The following LARP6 variants were observed in gnomAD, a reference collection of about 807,000 sequenced individuals.
The protein encoded by LARP6 is La ribonucleoprotein 6, translational regulator.
A neutral mutation model predicts 32.8 loss-of-function variants in LARP6; 18 were observed. The ratio of observed to expected loss-of-function variants is 0.55; its 90% CI spans 0.38 to 0.81. The LOEUF (loss-of-function observed/expected upper bound fraction) is 0.81, where lower values mean the gene tolerates loss of function less well. LARP6 is among the 40% of genes least tolerant of loss of function. LARP6 has a pLI of 0.00. For missense variants in LARP6, 598 were observed against 663.1 expected (o/e 0.90, Z 1.08); for synonymous variants, 289 against 267.2 (o/e 1.08, Z -0.80).
intron 1 of LARP6, among the ~76,000 whole-genome samples, chr15:70,839,226 G>A (rs1567021414): frequency 1.3e-5 from 2 of 152,096 alleles, no homozygotes; most frequent in Non-Finnish European, 1.5e-5. Context: ...ACGACTTGAT[G>A]TCAGAAGATC....
At chr15:70,835,273 G>T (rs2032126222) in intron 2 of LARP6, among the ~76,000 whole-genome samples, 1 of 152,216 alleles carries the variant, frequency 6.6e-6, no homozygotes, top group South Asian at 2.1e-4. Context: ...TGATCAACTA[G>T]TTCCCAATAA....
At chr15:70,842,819 C>T (rs964530281) in intron 1 of LARP6, among the ~76,000 whole-genome samples, 7 of 152,116 alleles carry the variant, frequency 4.6e-5, no homozygotes. Flanking sequence ...AACCCCTATA[C>T]GAGTGCAGAG....
chr15:70,847,366 G>A (rs935423233), intron 1 of LARP6, among the ~76,000 whole-genome samples: 2 of 151,548 alleles, frequency 1.3e-5, no homozygotes, highest in Admixed American at 1.3e-4. Flanking sequence ...ATGAATCAGT[G>A]CTGAATTTTT....
rs371576145 is a variant in LARP6, at chr15:70,832,934, C to G, written c.594G>C (p.Trp198Cys). The G allele has an allele frequency of 3.7e-6, 6 of 1,603,166 alleles. No homozygotes were observed. Among genetic ancestry groups the G allele is most frequent in the Non-Finnish European group, 5.1e-6 (6 of 1,174,820 alleles). The change falls in exon 3 of 3, where the codon TGG becomes TGC. Residue 198 changes from tryptophan to cysteine, a missense_variant. This residue lies in a region of LARP6 where 368 missense variants were observed against 397.9 expected (regional missense o/e 0.92). Transcript: ENST00000299213. Reference protein sequence around the residue: ...VYDLYLSPKLWALATPQKNGR... With the variant: ...VYDLYLSPKLCALATPQKNGR... ...CATTCTTCTGGGGGGTGGCCAGAGC[C>G]CACAGCTTAGGAGACAAGTAGAGAT...
At chr15:70,851,731 G>T (rs760264523) in intron 1 of LARP6, 1 of 1,613,954 alleles carries the variant, frequency 6.2e-7, no homozygotes. Context: ...CTGTGAGGGA[G>T]ACACAATGAT....
Position 70,830,295 on chromosome 15 carries a change from T to G in LARP6, c.*1757A>C, listed in dbSNP as rs1321827702. 1 of 152,292 alleles carries G rather than the reference T, an allele frequency of 6.6e-6. No individual in the cohort carries two copies. The highest frequency in any genetic ancestry group is 1.5e-5 in the Non-Finnish European group (1 of 68,052). The allele number at this position is 152,292 out of a possible 1,614,324, so 9.4% of individuals were successfully genotyped here. On this transcript the variant is annotated 3_prime_UTR_variant, in exon 3 of 3. Coordinates refer to ENST00000299213, the MANE Select transcript of LARP6 (RefSeq NM_018357.4). Reference sequence around the variant, plus strand: ...TAGGATATACTATCTTTGTCCATTTTCACAAGTTTGGGATATTATTTTCCT... The same window carrying G: ...TAGGATATACTATCTTTGTCCATTTGCACAAGTTTGGGATATTATTTTCCT...
In LARP6 at chr15:70,832,984, G is replaced by A; in HGVS notation, c.544C>T (p.Pro182Ser). The change falls in exon 3 of 3, where the codon CCC becomes TCC. Residue 182 changes from proline (P) to serine (S), a missense_variant. Around this residue, in one of 3 missense-constraint regions of LARP6, gnomAD observed 69 missense variants for 116.7 expected, o/e 0.59. Coordinates refer to ENST00000299213, the MANE Select transcript of LARP6 (RefSeq NM_018357.4). The stretch of plus-strand genomic sequence containing the variant: ...TCATAGACCAGGAGCATCTTGCTGG[G>A]GAGGTTCTCGTTGGGGAACAGTGGG... ...PVPLFPNENL[P>S]SKMLLVYDLY... The A allele has an allele frequency of 1.9e-6, 3 of 1,612,000 alleles. No homozygotes were observed. Among genetic ancestry groups the A allele is most frequent in the Non-Finnish European group, 2.5e-6 (3 of 1,178,888 alleles).
intron 1 of LARP6, among the ~76,000 whole-genome samples, chr15:70,845,582 G>A (rs1352099140): frequency 6.6e-6 from 1 of 152,184 alleles, no homozygotes; most frequent in Non-Finnish European, 1.5e-5. Flanking sequence ...TTTCTCCCCT[G>A]TAAAACCACT....
intron 1 of LARP6, among the ~76,000 whole-genome samples, chr15:70,843,649 C>CTTTTTTTTTTTTTTTTTTTTTT (rs67996815): frequency 2.5e-5 from 2 of 80,614 alleles, no homozygotes; most frequent in East Asian, 4.1e-4. Flanking sequence ...GTTTTGGTGT[C>CTTTTTTTTTTTTTTTTTTTTTT]TTTTTTTTTT....
intron 2 of LARP6, among the ~76,000 whole-genome samples, chr15:70,833,453 C>T (rs1422979009): frequency 6.6e-6 from 1 of 152,230 alleles, no homozygotes. Context: ...AGGCCCACCT[C>T]TAGCTTGAAG....
rs188256483 is a variant in LARP6 at position 70,850,211 on chromosome 15, G to T, written c.200+3678C>A. ...ATAACAAGTAAGGAGATTGAATCAG[G>T]AATCAAAAATCTCCTATCAAAGAAA... On this transcript the variant is annotated intron_variant, in intron 1 of 2. Coordinates refer to ENST00000299213, the MANE Select transcript of LARP6 (RefSeq NM_018357.4). Among the ~76,000 whole-genome samples, 634 of 152,268 alleles carry T rather than the reference G, an allele frequency of 4.2e-3. 2 individuals carry two copies. Among genetic ancestry groups the T allele is most frequent in the Non-Finnish European group, 6.4e-3 (437 of 68,010 alleles).
Position 70,832,044 on chromosome 15 carries a change from G to T in LARP6, c.*8C>A. 6.9e-7 allele frequency: 1 copy of T among 1,458,314 alleles called. No homozygotes were observed. Among genetic ancestry groups the T allele is most frequent in the Non-Finnish European group, 9.1e-7 (1 of 1,099,166 alleles). The allele number at this position is 1,458,314 out of a possible 1,614,324, so 90.3% of individuals were successfully genotyped here. ...TTCAGTGGAGCTTGTATTAAAAATA[G>T]AAGGTATTTATACACAGGCCCTGCT... On this transcript the variant is annotated 3_prime_UTR_variant, in exon 3 of 3. Coordinates refer to ENST00000299213, the MANE Select transcript of LARP6 (RefSeq NM_018357.4).
chr15:70,837,557 A>C (rs1242625637), intron 1 of LARP6, among the ~76,000 whole-genome samples: 2 of 152,178 alleles, frequency 1.3e-5, no homozygotes, highest in Admixed American at 6.5e-5. Context: ...CCTTTCGGTA[A>C]GATCATCCAT....
At chr15:70,852,368 C>T in intron 1 of LARP6, 1 of 438,530 alleles carries the variant, frequency 2.3e-6, no homozygotes, top group Non-Finnish European at 4.6e-6. Flanking sequence ...GGCAAGAGGC[C>T]TACCCATACT....
At position 70,832,091 on chromosome 15, in the gene LARP6, T is replaced by G; in HGVS notation, c.1437A>C (p.Arg479Ser). 3.9e-6 allele frequency: 6 copies of G among 1,550,538 alleles called. No individual in the cohort carries two copies. Among genetic ancestry groups the G allele is most frequent in the Non-Finnish European group, 5.2e-6 (6 of 1,150,312 alleles). Residue 479 changes from arginine to serine, a missense_variant, in exon 3 of 3, where the codon AGA (arginine) becomes AGC (serine). Transcript: ENST00000299213. ...TGCTCCTCTCATGGCCATGAAATCCTCTGGTGTTGTCAGGACCCCTGGGCA... is the reference window on the plus strand; with the variant it reads ...TGCTCCTCTCATGGCCATGAAATCCGCTGGTGTTGTCAGGACCCCTGGGCA... ...LRLPRGPDNTRGFHGHERSRA... is the reference protein window; with the variant it reads ...LRLPRGPDNTSGFHGHERSRA...
chr15:70,832,337 T>C lies in LARP6; in HGVS notation c.1191A>G (p.Pro397=). Residue 397 remains proline (P), a synonymous_variant, in exon 3 of 3, where the codon CCA becomes CCG. Coordinates refer to ENST00000299213, the MANE Select transcript of LARP6 (RefSeq NM_018357.4). ...AGTTCAGTCTACCTTCCTCCGCCAG[T>C]GGGGACTTTCTGGAAACGCCTTTGC... ...AQRKGVSRKS[P]LAEEGRLNCS... is the part of the protein sequence containing the mutation. 2 of 1,614,162 alleles carry C rather than the reference T, an allele frequency of 1.2e-6. No homozygotes were observed. Among genetic ancestry groups the C allele is most frequent in the Non-Finnish European group, 1.7e-6 (2 of 1,180,016 alleles).
At position 70,829,841 on chromosome 15, in the gene LARP6, A is replaced by T. The variant is rs1048282346; in HGVS notation, c.*2211T>A. ...TAAAGGTGAGGGTGTAGGTATTTTT[A>T]AAAGTAACTATGATCCACGAGGGTT... On this transcript the variant is annotated 3_prime_UTR_variant, in exon 3 of 3. Transcript: ENST00000299213. The T allele has an allele frequency of 2.6e-5, 4 of 152,222 alleles. No homozygotes were observed. The highest frequency in any genetic ancestry group is 1.9e-4 in the East Asian group (1 of 5,200). 9.4% of individuals were successfully genotyped at this position (152,222 alleles called of 1,614,324 possible).
intron 1 of LARP6, among the ~76,000 whole-genome samples, chr15:70,846,662 A>T (rs538536621): frequency 2.6e-4 from 39 of 152,010 alleles, no homozygotes; most frequent in Middle Eastern, 3.4e-3. Context: ...AATAAAAAAA[A>T]AACCAACAAA....
rs1375470041 is a variant in LARP6, at chr15:70,832,385, A to G, written c.1143T>C (p.Pro381=). ...TGCGTTGGGCCAAGGGGCTGCTCCAAGGACTTGTGCACGGGGAGGCATTTG... is the reference window on the plus strand; with the variant it reads ...TGCGTTGGGCCAAGGGGCTGCTCCAGGGACTTGTGCACGGGGAGGCATTTG... ...LSPNASPCTS[P]WSSPLAQRKG... Residue 381 remains proline (P), a synonymous_variant, in exon 3 of 3, where the codon CCT becomes CCC. Transcript: ENST00000299213. 3.1e-6 allele frequency: 5 copies of G among 1,611,852 alleles called. No individual in the cohort carries two copies. Among genetic ancestry groups the G allele is most frequent in the Middle Eastern group, 1.7e-4 (1 of 6,056 alleles).
Sources: gnomAD v4.1 joint callset for allele counts (sites outside exome capture counted in the v4.1 genomes callset) on GRCh38, gnomAD v4.1.1 for gene constraint, gnomAD v4.1.1 regional missense constraint, MANE v1.5 for transcripts, NCBI Gene and HGNC (gene_info 2026-07-23, HGNC 2026-07-21) for gene names.